ZFYVE9: variants seen among roughly 807,000 people sequenced by gnomAD.
The protein encoded by ZFYVE9 is zinc finger FYVE-type containing 9.
Under a neutral mutation model 126.7 loss-of-function variants are expected in ZFYVE9, and 43 were observed. The observed-to-expected ratio is 0.34, with a 90% confidence interval of 0.27 to 0.44. The LOEUF (loss-of-function observed/expected upper bound fraction) is 0.44, where lower values mean the gene tolerates loss of function less well. ZFYVE9 is among the 20% of genes least tolerant of loss of function. The pLI is 1.00. For missense variants in ZFYVE9, 1,476 were observed against 1,697.0 expected (o/e 0.87, Z 2.29); for synonymous variants, 521 against 597.4 (o/e 0.87, Z 1.87).
At chr1:52,208,687 C>A (rs772038664) in intron 1 of ZFYVE9, among the ~76,000 whole-genome samples, 5 of 152,070 alleles carry the variant, frequency 3.3e-5, no homozygotes, top group Non-Finnish European at 7.4e-5. Context: ...GCATGCACCA[C>A]CATGCCTGAC....
chr1:52,249,520 C>G (rs1489390211), intron 4 of ZFYVE9, among the ~76,000 whole-genome samples: 1 of 152,072 alleles, frequency 6.6e-6, no homozygotes, highest in African/African-American at 2.4e-5. Context: ...TTTTAGAGCT[C>G]TTTATATATA....
At chr1:52,316,905 A>G (rs1018625715) in intron 13 of ZFYVE9, among the ~76,000 whole-genome samples, 1 of 152,240 alleles carries the variant, frequency 6.6e-6, no homozygotes, top group Non-Finnish European at 1.5e-5. Flanking sequence ...TTTCCAGTGC[A>G]CACAGAACAT....
chr1:52,343,189 TG>T (rs1646454801), intron 17 of ZFYVE9, among the ~76,000 whole-genome samples: 1 of 152,026 alleles, frequency 6.6e-6, no homozygotes, highest in Non-Finnish European at 1.5e-5. Context: ...CCCAAAGTGC[TG>T]GGATTACAGG....
intron 1 of ZFYVE9, chr1:52,179,930 G>C: frequency 9.5e-7 from 1 of 1,052,488 alleles, no homozygotes; most frequent in East Asian, 2.5e-5. Flanking sequence ...TGGAAGAGGA[G>C]GCAGAAGATG....
At chr1:52,148,703 G>A (rs1558027682) in intron 1 of ZFYVE9, among the ~76,000 whole-genome samples, 2 of 149,872 alleles carry the variant, frequency 1.3e-5, no homozygotes, top group African/African-American at 2.4e-5. Context: ...GTGCGGTGGC[G>A]CAGTCTTGGC....
At chr1:52,211,306 T>C (rs1366319890) in intron 1 of ZFYVE9, among the ~76,000 whole-genome samples, 1 of 152,196 alleles carries the variant, frequency 6.6e-6, no homozygotes, top group East Asian at 1.9e-4. Context: ...ATCTTCTTAA[T>C]GTGACTGTGA....
intron 2 of ZFYVE9, among the ~76,000 whole-genome samples, chr1:52,219,057 T>C (rs1316194046): frequency 6.6e-6 from 1 of 152,072 alleles, no homozygotes; most frequent in Non-Finnish European, 1.5e-5. Context: ...GGTCCAGCCC[T>C]GATATTTCGT....
chr1:52,285,143 A>G (rs946933891), intron 10 of ZFYVE9, among the ~76,000 whole-genome samples: 2 of 152,144 alleles, frequency 1.3e-5, no homozygotes, highest in Non-Finnish European at 2.9e-5. Flanking sequence ...CCAGATCAGT[A>G]TTGTTTACAT....
chr1:52,298,896 G>T (rs553860009), intron 12 of ZFYVE9, among the ~76,000 whole-genome samples: 1 of 139,484 alleles, frequency 7.2e-6, no homozygotes, highest in African/African-American at 2.8e-5. Context: ...TGCAAGCTCC[G>T]CCTCCCGGGT....
Position 52,239,202 on chromosome 1 carries a change from A to G in ZFYVE9, c.1785A>G (p.Leu595=), listed in dbSNP as rs762574495. The change falls in exon 4 of 19, where the codon TTA becomes TTG. Residue 595 remains leucine (L), a synonymous_variant. Coordinates refer to ENST00000287727, the MANE Select transcript of ZFYVE9 (RefSeq NM_004799.4). ...SNLKLQIPKP[L]SDHLQNDFPA... ...TTAAACTTCAAATTCCAAAGCCATT[A>G]TCAGACCATTTACAAAATGACTTTC... is the stretch of plus-strand genomic sequence containing the variant. 20 of 1,614,052 alleles carry G rather than the reference A, an allele frequency of 1.2e-5. No homozygotes were observed. The highest frequency in any genetic ancestry group is 2.2e-5 in the South Asian group (2 of 91,096).
At chr1:52,320,732 G>A (rs1183337968) in intron 13 of ZFYVE9, among the ~76,000 whole-genome samples, 1 of 152,096 alleles carries the variant, frequency 6.6e-6, no homozygotes, top group Admixed American at 6.6e-5. Flanking sequence ...GAGGGTGAGG[G>A]AACCATATAT....
chr1:52,312,122 A>C (rs1646142374), intron 13 of ZFYVE9, among the ~76,000 whole-genome samples: 1 of 152,186 alleles, frequency 6.6e-6, no homozygotes, highest in Admixed American at 6.5e-5. Flanking sequence ...CTTGTGTTAC[A>C]AACTTCTCAT....
rs1646469716 is a variant in ZFYVE9, at chr1:52,344,824, CAGT to C, written c.3999_4001del (p.Ser1333del). On this transcript the variant is annotated inframe_deletion, in exon 18 of 19. Coordinates refer to ENST00000287727, the MANE Select transcript of ZFYVE9 (RefSeq NM_004799.4). ...ATTGCCTCAGTGATCCTGCAGATCA[CAGT>C]AGATTGACTGAGCATGTTGCCAAAG... 2 of 1,614,186 alleles carry C rather than the reference CAGT, an allele frequency of 1.2e-6. No individual in the cohort carries two copies. Among genetic ancestry groups the C allele is most frequent in the Non-Finnish European group, 1.7e-6 (2 of 1,180,036 alleles).
chr1:52,296,058 G>T, intron 12 of ZFYVE9, 81 bp downstream of exon 12: 1 of 1,313,632 alleles, frequency 7.6e-7, no homozygotes, highest in Non-Finnish European at 1.1e-6. Flanking sequence ...TATTTTCTTG[G>T]TAGCTGTGCC....
intron 18 of ZFYVE9, 152 bp downstream of exon 18, chr1:52,345,096 A>G (rs928904320): frequency 1.0e-5 from 8 of 766,234 alleles, no homozygotes; most frequent in Admixed American, 2.7e-5. Context: ...TAATAGTACT[A>G]TACCCACATG....
At chr1:52,279,420 A>G (rs779062596) in intron 9 of ZFYVE9, among the ~76,000 whole-genome samples, 2 of 152,160 alleles carry the variant, frequency 1.3e-5, no homozygotes, top group African/African-American at 2.4e-5. Flanking sequence ...AAACTTCTCA[A>G]TTGTTGGTGC....
chr1:52,207,338 A>G (rs1444911604), intron 1 of ZFYVE9, among the ~76,000 whole-genome samples: 2 of 152,180 alleles, frequency 1.3e-5, no homozygotes, highest in Non-Finnish European at 2.9e-5. Context: ...CACATTTTCC[A>G]ATATTTGTTA....
At chr1:52,147,662 T>G (rs675315) in intron 1 of ZFYVE9, among the ~76,000 whole-genome samples, 127,180 of 152,196 alleles carry the variant, frequency 0.84, 54,108 homozygotes, top group East Asian at 0.97. Context: ...ATAAATAATG[T>G]TGTTGTGAAC....
At chr1:52,320,081 A>AATT (rs1553135958) in intron 13 of ZFYVE9, among the ~76,000 whole-genome samples, 3 of 146,832 alleles carry the variant, frequency 2.0e-5, no homozygotes, top group Non-Finnish European at 4.5e-5. Context: ...TAAGACCTTT[A>AATT]TTTTTTTTGA....
Sources: gnomAD v4.1 joint callset for allele counts (sites outside exome capture counted in the v4.1 genomes callset) on GRCh38, gnomAD v4.1.1 for gene constraint, MANE v1.5 for transcripts, NCBI Gene and HGNC (gene_info 2026-07-23, HGNC 2026-07-21) for gene names.